WRN: variants seen among roughly 807,000 people sequenced by gnomAD.
WRN encodes WRN RecQ like helicase.
Under a neutral mutation model 180.7 loss-of-function variants are expected in WRN, and 149 were observed. The ratio of observed to expected loss-of-function variants is 0.82; its 90% confidence interval spans 0.72 to 0.94. The LOEUF (loss-of-function observed/expected upper bound fraction) is 0.94. WRN is among the 40% of genes least tolerant of loss of function. WRN has a pLI of 0.00. For synonymous variants in WRN, 548 were observed against 568.9 expected (o/e 0.96, Z 0.52); for missense variants, 1,661 against 1,700.1 (o/e 0.98, Z 0.40).
chr8:31,081,108 G>T lies in WRN; in HGVS notation c.1081G>T (p.Asp361Tyr), dbSNP rs751850825. 7.4e-6 allele frequency: 12 copies of T among 1,614,018 alleles called. No individual in the cohort carries two copies. The highest frequency in any genetic ancestry group is 1.7e-4 in the Middle Eastern group (1 of 6,060). The change falls in exon 9 of 35, where the codon GAT becomes TAT. Residue 361 changes from aspartate to tyrosine, a missense_variant. This residue lies in a region of WRN where 500 missense variants were observed against 504.1 expected (regional missense o/e 0.99). Coordinates refer to ENST00000298139, the MANE Select transcript of WRN (RefSeq NM_000553.6). ...TCATTTAGCTAAACATGATGGAGAA[G>T]ATGTACTTGGAAATAAAGTGGAACG... The part of the protein sequence containing the change: ...LDHLAKHDGE[D>Y]VLGNKVERKE...
chr8:31,080,815 T>C, intron 8 of WRN, 52 bp from the exon 9 acceptor site: 2 of 1,438,470 alleles, frequency 1.4e-6, no homozygotes, highest in Non-Finnish European at 1.9e-6. Flanking sequence ...CAGTTTGTCC[T>C]TGTAGTTAAT....
intron 11 of WRN, among the ~76,000 whole-genome samples, chr8:31,086,999 A>C (rs1014640959): frequency 6.6e-6 from 1 of 152,190 alleles, no homozygotes; most frequent in Non-Finnish European, 1.5e-5. Context: ...GAATAAAATA[A>C]AACAAACAGA....
At chr8:31,130,097 G>C (rs1802101742) in intron 23 of WRN, among the ~76,000 whole-genome samples, 1 of 150,550 alleles carries the variant, frequency 6.6e-6, no homozygotes. Context: ...ACTGAGGAGA[G>C]AGGATCAGTT....
chr8:31,034,885 G>A (rs372540439), intron 1 of WRN, among the ~76,000 whole-genome samples: 1 of 152,154 alleles, frequency 6.6e-6, no homozygotes, highest in Admixed American at 6.5e-5. Flanking sequence ...TCCAGCATAT[G>A]GCATTTTATG....
At chr8:31,125,537 G>GATATATAT (rs71206299) in intron 23 of WRN, among the ~76,000 whole-genome samples, 2,978 of 63,586 alleles carry the variant, frequency 0.047, 286 homozygotes, top group Non-Finnish European at 0.055. Context: ...ATATTATGGA[G>GATATATAT]ATATATATAT....
chr8:31,092,661 GT>G (rs1349287394), intron 16 of WRN, among the ~76,000 whole-genome samples: 1 of 151,500 alleles, frequency 6.6e-6, no homozygotes, highest in Non-Finnish European at 1.5e-5. Flanking sequence ...TATTTACTGA[GT>G]TTTGATAAAT....
At chr8:31,087,685 A>G (rs896062002) in intron 11 of WRN, 91 bp from the exon 12 acceptor site, 2 of 1,335,716 alleles carry the variant, frequency 1.5e-6, no homozygotes, top group African/African-American at 2.9e-5. Flanking sequence ...ACAAAATTGT[A>G]GGCCCTGTTA....
intron 14 of WRN, 118 bp from the exon 15 acceptor site, chr8:31,090,716 A>G (rs1420056570): frequency 2.9e-6 from 3 of 1,039,372 alleles, no homozygotes; most frequent in East Asian, 2.6e-5. Flanking sequence ...GGAAGATAGC[A>G]TACTAGTATT....
At chr8:31,122,860 GTTTTTT>G (rs71206298) in intron 21 of WRN, among the ~76,000 whole-genome samples, 153 of 69,474 alleles carry the variant, frequency 2.2e-3, no homozygotes, top group African/African-American at 7.4e-3. Context: ...TTCTTTTCTT[GTTTTTT>G]TTTTTTTTTT....
In WRN at chr8:31,068,250, T is replaced by C. The variant is rs2130056258; in HGVS notation, c.655-8T>C. On this transcript the variant is annotated splice_polypyrimidine_tract_variant and splice_region_variant and intron_variant, in intron 6 of 34. Coordinates refer to ENST00000298139, the MANE Select transcript of WRN (RefSeq NM_000553.6). ...GCATACTTTTTAAATTTTTCTGTTT[T>C]TTTATAGGCTGGTTTTATTATTTAC... 6.3e-7 allele frequency: 1 copy of C among 1,597,880 alleles called. No homozygotes were observed. Among genetic ancestry groups the C allele is most frequent in the Non-Finnish European group, 8.6e-7 (1 of 1,168,288 alleles).
chr8:31,049,210 CAAA>C (rs72226104), intron 1 of WRN, among the ~76,000 whole-genome samples: 1 of 31,802 alleles, frequency 3.1e-5, no homozygotes, highest in African/African-American at 1.4e-4. Context: ...GACTCTGTCT[CAAA>C]AAAAAAAAAA....
At chr8:31,086,064 A>C (rs996394438) in intron 11 of WRN, among the ~76,000 whole-genome samples, 45 of 152,096 alleles carry the variant, frequency 3.0e-4, no homozygotes, top group Non-Finnish European at 5.4e-4. Flanking sequence ...CTTTACCTCT[A>C]ATTTCTTTGT....
intron 30 of WRN, among the ~76,000 whole-genome samples, chr8:31,149,587 GC>G (rs1803030177): frequency 7.1e-6 from 1 of 140,746 alleles, no homozygotes; most frequent in South Asian, 2.5e-4. Flanking sequence ...CAATTCTCCT[GC>G]CTCAGCCTCC....
Position 31,141,711 on chromosome 8 carries a change from G to A in WRN, c.3169G>A (p.Glu1057Lys). 6.2e-7 allele frequency: 1 copy of A among 1,614,120 alleles called. No homozygotes were observed. Among genetic ancestry groups the A allele is most frequent in the East Asian group, 2.2e-5 (1 of 44,870 alleles). The change falls in exon 26 of 35, where the codon GAA (glutamate) becomes AAA (lysine). Residue 1057 changes from glutamate to lysine, a missense_variant. Glu to Lys is a moderately conservative substitution (Grantham distance 56). Transcript: ENST00000298139. ...GRNWLHKANT[E>K]SQSLILQANE... is the part of the protein sequence containing the mutation. ...AAATTGGCTTCATAAAGCTAATACA[G>A]AATCTCAGAGCCTCATCCTTCAAGC...
chr8:31,169,058 T>C (rs1198473898), intron 34 of WRN, among the ~76,000 whole-genome samples: 3 of 152,048 alleles, frequency 2.0e-5, no homozygotes, highest in Admixed American at 1.3e-4. Context: ...TAAAGTTTTC[T>C]TAAATCATAC....
chr8:31,089,072 A>G (rs1813646652), intron 13 of WRN, 107 bp downstream of exon 13: 2 of 870,178 alleles, frequency 2.3e-6, no homozygotes, highest in South Asian at 1.4e-5. Context: ...ACTTCACTAT[A>G]GTTATACATG....
At chr8:31,068,949 G>T (rs1812808560) in intron 7 of WRN, among the ~76,000 whole-genome samples, 1 of 152,154 alleles carries the variant, frequency 6.6e-6, no homozygotes, top group Non-Finnish European at 1.5e-5. Flanking sequence ...GCTTTTTGTT[G>T]CACAGACCAA....
rs111246742 is a variant in WRN at position 31,096,421 on chromosome 8, A to G, written c.1899-347A>G. Among the ~76,000 whole-genome samples the G allele has an allele frequency of 3.9e-5, 6 of 152,312 alleles. 1 individual carries two copies. Among genetic ancestry groups the G allele is most frequent in the African/African-American group, 1.4e-4 (6 of 41,582 alleles). ...AATTAACTCAAGCTAGCATGAGTGT[A>G]TATTGAAATTTATATTAAGGATAAA... On this transcript the variant is annotated intron_variant, in intron 16 of 34. Transcript: ENST00000298139.
chr8:31,058,307 G>A, intron 1 of WRN, 65 bp from the exon 2 acceptor site: 2 of 686,670 alleles, frequency 2.9e-6, no homozygotes, highest in South Asian at 3.4e-5. Flanking sequence ...TTGGACCTAG[G>A]TGTCATAACT....
Sources: allele counts gnomAD v4.1 joint callset (sites outside exome capture counted in the v4.1 genomes callset), GRCh38; gene constraint gnomAD v4.1.1; regional missense constraint gnomAD v4.1.1; transcripts MANE v1.5; gene names NCBI Gene and HGNC (gene_info 2026-07-23, HGNC 2026-07-21).